The following TFB1M variants were observed in gnomAD, a reference collection of about 807,000 sequenced individuals.
TFB1M encodes the protein transcription factor B1, mitochondrial.
TFB1M carries 27 observed loss-of-function variants against 31.1 expected under a neutral mutation model. The ratio of observed to expected loss-of-function variants is 0.87; its 90% CI spans 0.64 to 1.20. The LOEUF (loss-of-function observed/expected upper bound fraction) is 1.20, where lower values mean the gene tolerates loss of function less well. Among genes scored for constraint, TFB1M ranks in the 50% most tolerant of loss-of-function variants. The pLI is 0.00. For synonymous variants in TFB1M, 166 were observed against 151.8 expected, an observed-to-expected ratio of 1.09 and a Z score of -0.69; for missense variants, 394 against 418.7, an observed-to-expected ratio of 0.94 and a Z score of 0.51.
In TFB1M at chr6:155,256,701, CAA is replaced by C; in HGVS notation, c.*1133_*1134del. The C allele has an allele frequency of 6.2e-7, 1 of 1,614,178 alleles. No individual in the cohort carries two copies. On this transcript the variant is annotated 3_prime_UTR_variant, in exon 7 of 7. Transcript: ENST00000367166. The stretch of plus-strand genomic sequence containing the variant: ...TGGCAGATTTTGCCGACAATCTCAT[CAA>C]AGAGAGTGACATCCTGAGCGATGAA...
At chr6:155,313,424 A>G (rs946411546) in intron 1 of TFB1M, among the ~76,000 whole-genome samples, 1 of 152,160 alleles carries the variant, frequency 6.6e-6, no homozygotes, top group East Asian at 1.9e-4. Flanking sequence ...GCTCTTTTCA[A>G]CTTCTGAAGT....
At chr6:155,248,043 C>T in the TFB1M span, 2 of 1,614,228 alleles carry the variant, frequency 1.2e-6, no homozygotes, top group Admixed American at 3.3e-5. Context: ...ACGCCCGGAA[C>T]CCCACCAAGC....
At chr6:155,291,723 C>A (rs983836400) in intron 4 of TFB1M, among the ~76,000 whole-genome samples, 1 of 152,024 alleles carries the variant, frequency 6.6e-6, no homozygotes, top group South Asian at 2.1e-4. Context: ...ACCAGAGCCC[C>A]CTCCCTGGTG....
intron 4 of TFB1M, among the ~76,000 whole-genome samples, chr6:155,293,029 A>G (rs1052053423): frequency 1.3e-5 from 2 of 152,066 alleles, no homozygotes; most frequent in African/African-American, 4.8e-5. Context: ...ACAAGGTAAC[A>G]TAGGGAGCTA....
chr6:155,287,442 G>C (rs557585931), intron 4 of TFB1M, among the ~76,000 whole-genome samples: 1 of 152,152 alleles, frequency 6.6e-6, no homozygotes, highest in East Asian at 1.9e-4. Flanking sequence ...AATGGAATAC[G>C]AGATTGAATC....
chr6:155,269,319 C>CTT (rs1245980310), intron 5 of TFB1M, among the ~76,000 whole-genome samples: 1 of 98,030 alleles, frequency 1.0e-5, no homozygotes, highest in Non-Finnish European at 2.0e-5. Flanking sequence ...CTTTTCTTTT[C>CTT]TTTTCTTTTT....
At chr6:155,260,600 C>T (rs546403084) in intron 5 of TFB1M, 200 bp from the exon 6 acceptor site, 56 of 659,608 alleles carry the variant, frequency 8.5e-5, no homozygotes, top group Non-Finnish European at 1.4e-4. Context: ...AGAAATCAGC[C>T]GGCTGCACCT....
In TFB1M at chr6:155,256,881, A is replaced by C. The variant is rs754460773; in HGVS notation, c.*955T>G. On this transcript the variant is annotated 3_prime_UTR_variant, in exon 7 of 7. Transcript: ENST00000367166. The stretch of plus-strand genomic sequence containing the variant: ...AGTCGGGTGAGGGTCAGAAAGGAGG[A>C]GAGCAGCCCAAACTGGTCCGGGGGC... 2.5e-6 allele frequency: 4 copies of C among 1,614,096 alleles called. No homozygotes were observed. Among genetic ancestry groups the C allele is most frequent in the Admixed American group, 3.3e-5 (2 of 60,002 alleles).
chr6:155,265,205 G>A (rs1455684865), intron 5 of TFB1M, among the ~76,000 whole-genome samples: 1 of 152,200 alleles, frequency 6.6e-6, no homozygotes, highest in East Asian at 1.9e-4. Flanking sequence ...GGCCATGGGT[G>A]TGGCAGCACA....
chr6:155,254,122 G>C, downstream of TFB1M: 1 of 1,534,896 alleles, frequency 6.5e-7, no homozygotes, highest in Non-Finnish European at 8.9e-7. Context: ...TCTCTTAAGG[G>C]AATTTATATT....
intron 5 of TFB1M, among the ~76,000 whole-genome samples, chr6:155,275,014 C>G (rs1240040818): frequency 1.3e-5 from 2 of 151,484 alleles, no homozygotes; most frequent in African/African-American, 4.9e-5. Context: ...GTCAGGAGAT[C>G]GAGACCATCC....
In TFB1M at chr6:155,298,514, C is replaced by T. The variant is rs1777284754; in HGVS notation, c.357G>A (p.Lys119=). The T allele has an allele frequency of 1.2e-6, 2 of 1,613,080 alleles. No individual in the cohort carries two copies. Among genetic ancestry groups the T allele is most frequent in the Admixed American group, 1.7e-5 (1 of 59,990 alleles). The change falls in exon 3 of 7, where the codon AAG becomes AAA. Residue 119 remains lysine, a synonymous_variant. Transcript: ENST00000367166. The part of the protein sequence containing the change: ...HGDVLTFKVE[K]AFSESLKRPW... ...GTCTTTTAAGACTTTCTGAAAAAGC[C>T]TTTTCTACCTTAAATGTCAAGACAT...
intron 2 of TFB1M, among the ~76,000 whole-genome samples, chr6:155,305,312 A>G (rs1459877686): frequency 2.9e-5 from 1 of 34,132 alleles, no homozygotes; most frequent in Non-Finnish European, 4.5e-5. Context: ...ATATAAACAT[A>G]TATTAAATTA....
intron 6 of TFB1M, among the ~76,000 whole-genome samples, chr6:155,258,841 C>T (rs975229145): frequency 2.0e-5 from 3 of 152,116 alleles, no homozygotes; most frequent in African/African-American, 7.2e-5. Flanking sequence ...ATTGCATGTC[C>T]CCCACACTTT....
chr6:155,285,025 A>T, intron 5 of TFB1M, 133 bp downstream of exon 5: 2 of 1,181,986 alleles, frequency 1.7e-6, no homozygotes, highest in Non-Finnish European at 1.2e-6. Flanking sequence ...TGTGGTTCTT[A>T]TTCAGAAGTA....
intron 1 of TFB1M, among the ~76,000 whole-genome samples, chr6:155,313,898 T>A (rs1449188930): frequency 2.6e-5 from 4 of 152,248 alleles, no homozygotes; most frequent in Admixed American, 1.3e-4. Flanking sequence ...CTCGCATCAA[T>A]TTAAATTCTG....
chr6:155,312,831 T>G (rs1478080411), intron 1 of TFB1M, among the ~76,000 whole-genome samples: 1 of 151,934 alleles, frequency 6.6e-6, no homozygotes, highest in African/African-American at 2.4e-5. Context: ...GCCCTGAGAA[T>G]GGTGATTTAT....
In TFB1M at chr6:155,284,291, A is replaced by AT. The variant is rs1165817838; in HGVS notation, c.666+866dup. On this transcript the variant is annotated intron_variant, in intron 5 of 6. Transcript: ENST00000367166. ...ATCTAAATCTATAGTCACATAATGCATTTTTTTCCATGCTATCTCTTGTTA... is the reference window on the plus strand; with the variant it reads ...ATCTAAATCTATAGTCACATAATGCATTTTTTTTCCATGCTATCTCTTGTTA... 2.0e-5 allele frequency among the ~76,000 whole-genome samples: 3 copies of AT among 152,222 alleles called. No homozygotes were observed. The East Asian group carries it at 5.8e-4, about 29-fold the overall frequency.
At chr6:155,314,081 C>T in intron 1 of TFB1M, 1 of 1,442,346 alleles carries the variant, frequency 6.9e-7, no homozygotes, top group Non-Finnish European at 9.1e-7. Flanking sequence ...AGGCTACACC[C>T]CCCCGAACGC....
Sources: allele counts gnomAD v4.1 joint callset (sites outside exome capture counted in the v4.1 genomes callset), GRCh38; gene constraint gnomAD v4.1.1; transcripts MANE v1.5; gene names NCBI Gene and HGNC (gene_info 2026-07-23, HGNC 2026-07-21).